Variants in MKI67 observed in about 807,000 individuals in gnomAD.
MKI67 encodes the protein marker of proliferation Ki-67.
In MKI67, 152 loss-of-function variants were observed where a neutral mutation model predicts 233.5. That is an observed-to-expected ratio of 0.65 (90% CI 0.57 to 0.74). MKI67 has a LOEUF of 0.74. Ranked by LOEUF, MKI67 falls within the 30% of genes least tolerant of loss-of-function variation. The pLI is 0.00. For missense variants in MKI67, 3,940 were observed against 3,885.2 expected (o/e 1.01, Z -0.37); for synonymous variants, 1,465 against 1,418.5 (o/e 1.03, Z -0.74).
chr10:128,103,242 C>A lies in MKI67; in HGVS notation c.8598G>T (p.Gly2866=). The A allele has an allele frequency of 1.2e-6, 2 of 1,614,112 alleles. No individual in the cohort carries two copies. Among genetic ancestry groups the A allele is most frequent in the Non-Finnish European group, 1.7e-6 (2 of 1,180,012 alleles). Residue 2866 remains glycine, a synonymous_variant, in exon 13 of 15, where the codon GGG becomes GGT. Transcript: ENST00000368654. The part of the protein sequence containing the change: ...LAVGKLTQTS[G]ETTHTDKEPV... ...GCTCTTTGTCGGTGTGCGTGGTCTCCCCTGAGGTTTGTGTGAGCTTGCCAA... is the reference window on the plus strand; with the variant it reads ...GCTCTTTGTCGGTGTGCGTGGTCTCACCTGAGGTTTGTGTGAGCTTGCCAA...
intron 14 of MKI67, among the ~76,000 whole-genome samples, chr10:128,099,730 C>T (rs1192158316): frequency 6.6e-6 from 1 of 152,156 alleles, no homozygotes; most frequent in Non-Finnish European, 1.5e-5. Context: ...GGGAGAGGAA[C>T]CATGGTGAAA....
At chr10:128,113,353 C>T in intron 8 of MKI67, 74 bp downstream of exon 8, 1 of 1,409,648 alleles carries the variant, frequency 7.1e-7, no homozygotes, top group Non-Finnish European at 9.8e-7. Context: ...CTACTTGTGT[C>T]AGTATTTGGA....
At chr10:128,102,289 C>A (rs1290455083) in intron 13 of MKI67, among the ~76,000 whole-genome samples, 1 of 152,230 alleles carries the variant, frequency 6.6e-6, no homozygotes, top group African/African-American at 2.4e-5. Context: ...ACCCACCTAT[C>A]CTCTGATCAA....
intron 5 of MKI67, among the ~76,000 whole-genome samples, chr10:128,118,665 A>G (rs1403427514): frequency 6.6e-6 from 1 of 152,224 alleles, no homozygotes; most frequent in Non-Finnish European, 1.5e-5. Context: ...GATATACTCA[A>G]ACTATCTAAA....
intron 13 of MKI67, among the ~76,000 whole-genome samples, 171 bp downstream of exon 13, chr10:128,102,408 T>C (rs377264389): frequency 6.6e-6 from 1 of 152,232 alleles, no homozygotes; most frequent in Non-Finnish European, 1.5e-5. Flanking sequence ...GTCTATTCCC[T>C]CTATAGGTCC....
At position 128,108,917 on chromosome 10, in the gene MKI67, G is replaced by A; in HGVS notation, c.2923C>T (p.Leu975Phe). 1 of 1,614,220 alleles carries A rather than the reference G, an allele frequency of 6.2e-7. No individual in the cohort carries two copies. Among genetic ancestry groups the A allele is most frequent in the Non-Finnish European group, 8.5e-7 (1 of 1,180,044 alleles). The change falls in exon 13 of 15, where the codon CTC (leucine) becomes TTC (phenylalanine). Residue 975 changes from leucine to phenylalanine, a missense_variant. Transcript: ENST00000368654. ...TGGCCACGTGCCGTGTCTTTCATGA[G>A]TTCTGTATCAGGCAAGCTCTTGAGG... ...TDLKSLPDTE[L>F]MKDTARGQNL...
chr10:128,106,154 G>C lies in MKI67; in HGVS notation c.5686C>G (p.Leu1896Val), dbSNP rs1217825048. 6.2e-7 allele frequency: 1 copy of C among 1,613,958 alleles called. No individual in the cohort carries two copies. The highest frequency in any genetic ancestry group is 8.5e-7 in the Non-Finnish European group (1 of 1,179,998). Residue 1896 changes from leucine to valine, a missense_variant, in exon 13 of 15, where the codon CTA becomes GTA. Coordinates refer to ENST00000368654, the MANE Select transcript of MKI67 (RefSeq NM_002417.5). ...ATGGCTTTGCCTGCTGATGGTGTTA[G>C]TTTCCTGAATGCTAAAAATTCTTCC... ...VEEEFLAFRKLTPSAGKAMHT... is the reference protein window; with the variant it reads ...VEEEFLAFRKVTPSAGKAMHT...
chr10:128,116,414 T>C (rs903389749), intron 6 of MKI67, 77 bp downstream of exon 6: 1 of 1,294,612 alleles, frequency 7.7e-7, no homozygotes, highest in Admixed American at 1.7e-5. Context: ...TGCATTCTTG[T>C]TGCCCCTTCT....
rs556191661 is a variant in MKI67, at chr10:128,106,164, T to G, written c.5676A>C (p.Ala1892=). The G allele has an allele frequency of 6.2e-7, 1 of 1,613,816 alleles. No homozygotes were observed. The highest frequency in any genetic ancestry group is 8.5e-7 in the Non-Finnish European group (1 of 1,179,958). The change falls in exon 13 of 15, where the codon GCA becomes GCC. Residue 1892 remains alanine (A), a synonymous_variant. Transcript: ENST00000368654. ...CTGCTGATGGTGTTAGTTTCCTGAA[T>G]GCTAAAAATTCTTCCTCTACGTCTG... ...KKADVEEEFL[A]FRKLTPSAGK...
At chr10:128,120,018 A>G (rs1049808644) in intron 4 of MKI67, among the ~76,000 whole-genome samples, 12 of 152,226 alleles carry the variant, frequency 7.9e-5, no homozygotes, top group African/African-American at 2.7e-4. Context: ...CCTAAGTAAG[A>G]TCTGAAGCAG....
In MKI67 at chr10:128,103,194, C is replaced by A. The variant is rs372328060; in HGVS notation, c.8646G>T (p.Thr2882=). The A allele has an allele frequency of 3.1e-6, 5 of 1,612,866 alleles. No individual in the cohort carries two copies. The highest frequency in any genetic ancestry group is 1.7e-5 in the Admixed American group (1 of 59,864). The change falls in exon 13 of 15, where the codon ACG becomes ACT. Residue 2882 remains threonine (T), a synonymous_variant. Coordinates refer to ENST00000368654, the MANE Select transcript of MKI67 (RefSeq NM_002417.5). ...DKEPVGEGKG[T]KAFKQPAKRK... is the part of the protein sequence containing the mutation. Reference sequence around the variant, plus strand: ...GCTTTGCAGGTTGCTTAAATGCTTTCGTGCCTTTGCCCTCACCTACCGGCT... The same window carrying A: ...GCTTTGCAGGTTGCTTAAATGCTTTAGTGCCTTTGCCCTCACCTACCGGCT...
At chr10:128,114,295 T>A (rs544581264) in intron 7 of MKI67, among the ~76,000 whole-genome samples, 2 of 152,314 alleles carry the variant, frequency 1.3e-5, no homozygotes, top group East Asian at 3.9e-4. Flanking sequence ...CCACACCTGC[T>A]ATAAAGGTCC....
intron 13 of MKI67, 96 bp from the exon 14 acceptor site, chr10:128,101,797 G>T: frequency 2.2e-6 from 2 of 921,490 alleles, no homozygotes; most frequent in South Asian, 3.5e-5. Context: ...CCTAAAAGGA[G>T]AAATCATTTG....
chr10:128,105,776 A>G lies in MKI67; in HGVS notation c.6064T>C (p.Ser2022Pro), dbSNP rs1256644223. The change falls in exon 13 of 15, where the codon TCA (serine) becomes CCA (proline). Residue 2022 changes from serine (S) to proline (P), a missense_variant. By Grantham distance (74) the Ser-to-Pro change is moderately conservative. Coordinates refer to ENST00000368654, the MANE Select transcript of MKI67 (RefSeq NM_002417.5). ...CTGTGTGTCTGTGTGGTCTTCCCTG[A>G]CGTCTGTGTGAGCTTGCCGACTGGT... ...VLPVGKLTQT[S>P]GKTTQTHRET... 1.2e-6 allele frequency: 2 copies of G among 1,613,142 alleles called. No individual in the cohort carries two copies. Among genetic ancestry groups the G allele is most frequent in the Non-Finnish European group, 8.5e-7 (1 of 1,179,772 alleles).
In MKI67 at chr10:128,125,483, C is replaced by CCAAT; in HGVS notation, c.92+89_92+92dup. 2 of 955,362 alleles carry CCAAT rather than the reference C, an allele frequency of 2.1e-6. No homozygotes were observed. The highest frequency in any genetic ancestry group is 3.4e-6 in the Non-Finnish European group (2 of 594,896). The allele number at this position is 955,362 out of a possible 1,614,324, so 59.2% of individuals were successfully genotyped here. On this transcript the variant is annotated intron_variant, in intron 2 of 14. Transcript: ENST00000368654. This position sits in a 1 kb window ranked among gnomAD's most constrained non-coding sequence, Gnocchi z 5.3. ...CACCAAGGAAAAGTGACGGCAGGACCCAATCCTAGAGCGCGTTTCTGGACT... is the reference window on the plus strand; with the variant it reads ...CACCAAGGAAAAGTGACGGCAGGACCCAATCAATCCTAGAGCGCGTTTCTGGACT...
chr10:128,109,089 C>A lies in MKI67; in HGVS notation c.2751G>T (p.Arg917Ser). The A allele has an allele frequency of 6.2e-7, 1 of 1,614,194 alleles. No individual in the cohort carries two copies. The highest frequency in any genetic ancestry group is 8.5e-7 in the Non-Finnish European group (1 of 1,180,036). ...RGQKATLLQQ[R>S]REGEMKEIER... ...CTATTTCCTTCATCTCTCCTTCTCT[C>A]CTTTGTTGTAGTAGTGTTGCCTTCT... Residue 917 changes from arginine (R) to serine (S), a missense_variant, in exon 13 of 15, where the codon AGG becomes AGT. Physicochemically the swap from Arg to Ser is moderately radical, Grantham distance 110. Transcript: ENST00000368654.
At chr10:128,112,756 C>G (rs1376781915) in intron 8 of MKI67, among the ~76,000 whole-genome samples, 1 of 152,144 alleles carries the variant, frequency 6.6e-6, no homozygotes, top group East Asian at 1.9e-4. Flanking sequence ...CACCCAGCCC[C>G]CGGCAGTCCA....
intron 10 of MKI67, 51 bp downstream of exon 10, chr10:128,111,876 A>C: frequency 6.2e-7 from 1 of 1,605,774 alleles, no homozygotes; most frequent in Non-Finnish European, 8.5e-7. Context: ...ACTGAATGCA[A>C]GCTTCGATGA....
Position 128,108,569 on chromosome 10 carries a change from T to C in MKI67, c.3271A>G (p.Thr1091Ala), listed in dbSNP as rs1222701108. ...AGTGACTGGGCCTCTTCCTTAGGCG[T>C]TCTTGGCCACTTCTTCATTCCAGTT... ...RVTGMKKWPR[T>A]PKEEAQSLED... Residue 1091 changes from threonine (T) to alanine (A), a missense_variant, in exon 13 of 15, where the codon ACG becomes GCG. Coordinates refer to ENST00000368654, the MANE Select transcript of MKI67 (RefSeq NM_002417.5). 6.2e-7 allele frequency: 1 copy of C among 1,614,198 alleles called. No individual in the cohort carries two copies.
Sources: allele counts gnomAD v4.1 joint callset (sites outside exome capture counted in the v4.1 genomes callset), GRCh38; gene constraint gnomAD v4.1.1; non-coding constraint Gnocchi (gnomAD v3.1); transcripts MANE v1.5; gene names NCBI Gene and HGNC (gene_info 2026-07-23, HGNC 2026-07-21).